Variants in ARHGEF10 observed in about 807,000 individuals in gnomAD.
ARHGEF10 encodes Rho guanine nucleotide exchange factor (GEF) 10.
A neutral mutation model predicts 147.4 loss-of-function variants in ARHGEF10; 140 were observed. The observed-to-expected ratio is 0.95, with a 90% CI of 0.83 to 1.09. ARHGEF10 has a LOEUF of 1.09. ARHGEF10 is among the 50% of genes least tolerant of loss of function. ARHGEF10 has a pLI of 0.00. For synonymous variants in ARHGEF10, 902 were observed against 695.8 expected, an observed-to-expected ratio of 1.30 and a Z score of -4.67; for missense variants, 2,222 against 1,752.7, an observed-to-expected ratio of 1.27 and a Z score of -4.78.
Position 1,843,426 on chromosome 8 carries a change from C to G in ARHGEF10, c.27C>G (p.Pro9=), listed in dbSNP as rs374914801. 1 of 1,612,988 alleles carries G rather than the reference C, an allele frequency of 6.2e-7. No individual in the cohort carries two copies. Among genetic ancestry groups the G allele is most frequent in the Non-Finnish European group, 8.5e-7 (1 of 1,179,774 alleles). Residue 9 remains proline, a synonymous_variant, in exon 2 of 29, where the codon CCC becomes CCG. Coordinates refer to ENST00000349830, the MANE Select transcript of ARHGEF10 (RefSeq NM_014629.4). MDQREPLP[P]APAENEMKYD... ...TGGACCAGCGAGAGCCCCTGCCTCC[C>G]GCTCCTGCAGGTAACAGCACTCAGT... is the stretch of plus-strand genomic sequence containing the variant.
At chr8:1,891,391 T>G (rs73542936) in intron 11 of ARHGEF10, among the ~76,000 whole-genome samples, 8,110 of 152,302 alleles carry the variant, frequency 0.053, 248 homozygotes, top group South Asian at 0.082. Flanking sequence ...TTAAACATTC[T>G]TTGCATGCCT....
At chr8:1,830,026 G>T (rs991870281) in intron 1 of ARHGEF10, among the ~76,000 whole-genome samples, 3 of 152,200 alleles carry the variant, frequency 2.0e-5, no homozygotes, top group Non-Finnish European at 2.9e-5. Flanking sequence ...GCTCCGAAGT[G>T]CTCTCTGCCA....
chr8:1,875,348 T>A (rs1394662908), intron 7 of ARHGEF10, among the ~76,000 whole-genome samples: 1 of 152,010 alleles, frequency 6.6e-6, no homozygotes, highest in African/African-American at 2.4e-5. Flanking sequence ...CCCTAGTACA[T>A]GGTAGAGGCT....
intron 27 of ARHGEF10, chr8:1,945,863 AC>A (rs1814538713): frequency 4.1e-6 from 2 of 484,706 alleles, no homozygotes; most frequent in African/African-American, 3.5e-5. Context: ...GGTGCAGGGC[AC>A]AGGTCCTGAA....
intron 3 of ARHGEF10, 63 bp downstream of exon 3, chr8:1,858,178 G>GAGTCCCCAGGT (rs1267490287): frequency 3.1e-5 from 47 of 1,501,870 alleles, no homozygotes; most frequent in Middle Eastern, 2.2e-4. Flanking sequence ...GTCCCCAGGT[G>GAGTCCCCAGGT]GGTCCCCATG....
At chr8:1,843,650 C>T (rs1232248388) in intron 2 of ARHGEF10, among the ~76,000 whole-genome samples, 1 of 152,222 alleles carries the variant, frequency 6.6e-6, no homozygotes, top group Non-Finnish European at 1.5e-5. Context: ...GCGTTCCTCA[C>T]AGGTGCTGCT....
rs537769634 is a variant in ARHGEF10, at chr8:1,833,425, G to T, written c.-48+9312G>T. ...AGACAGAGACAGAGGCAGAGACAGA[G>T]ACAGAGACAGAGGCAGGGGCAGAGA... On this transcript the variant is annotated intron_variant, in intron 1 of 28. Coordinates refer to ENST00000349830, the MANE Select transcript of ARHGEF10 (RefSeq NM_014629.4). 5.9e-4 allele frequency among the ~76,000 whole-genome samples: 90 copies of T among 151,834 alleles called. 2 individuals are homozygous for T. The East Asian group carries it at 0.016, about 27-fold the overall frequency.
rs117639050 is a variant in ARHGEF10, at chr8:1,929,718, G to C, written c.3079+275G>C. ...GCCTGTTTCTCCCCCTCGGATGGGG[G>C]CACCGGGCCATGCAGAGCCTCCTTC... On this transcript the variant is annotated intron_variant, in intron 25 of 28. Coordinates refer to ENST00000349830, the MANE Select transcript of ARHGEF10 (RefSeq NM_014629.4). 1.6e-3 allele frequency among the ~76,000 whole-genome samples: 239 copies of C among 152,278 alleles called. 5 individuals carry two copies. In the East Asian group the frequency reaches 0.038, roughly 24 times the overall value.
intron 1 of ARHGEF10, among the ~76,000 whole-genome samples, chr8:1,826,326 G>A (rs118078440): frequency 0.014 from 2,187 of 152,302 alleles, 84 homozygotes; most frequent in East Asian, 0.098. Context: ...GTTTGTGTGT[G>A]CATACGTGTG....
chr8:1,874,326 G>C (rs552412543), intron 7 of ARHGEF10, among the ~76,000 whole-genome samples: 6 of 152,188 alleles, frequency 3.9e-5, no homozygotes, highest in African/African-American at 1.4e-4. Flanking sequence ...GCCTGATCCT[G>C]TGGCTGGGTC....
At chr8:1,878,379 G>T (rs975504040) in intron 8 of ARHGEF10, among the ~76,000 whole-genome samples, 4 of 152,074 alleles carry the variant, frequency 2.6e-5, no homozygotes, top group African/African-American at 9.7e-5. Context: ...TAGAGACGGG[G>T]TTTCACCATA....
At chr8:1,852,908 G>A (rs781432552) in intron 2 of ARHGEF10, among the ~76,000 whole-genome samples, 7 of 152,204 alleles carry the variant, frequency 4.6e-5, no homozygotes, top group Admixed American at 2.0e-4. Context: ...CAAGCTGCCG[G>A]TGACCCACAA....
chr8:1,924,415 G>A (rs1026718961), intron 21 of ARHGEF10, among the ~76,000 whole-genome samples: 2 of 152,222 alleles, frequency 1.3e-5, no homozygotes, highest in Non-Finnish European at 2.9e-5. Context: ...CTGTGTGTGT[G>A]TGTAATGTAC....
Position 1,833,062 on chromosome 8 carries a change from A to G in ARHGEF10, c.-48+8949A>G, listed in dbSNP as rs865858764. The stretch of plus-strand genomic sequence containing the variant: ...GAGACAGAGACAGAGGCAGAGAGAG[A>G]CAGAGACAGAGGCAGAGAGACAGAG... On this transcript the variant is annotated intron_variant, in intron 1 of 28. Coordinates refer to ENST00000349830, the MANE Select transcript of ARHGEF10 (RefSeq NM_014629.4). Among the ~76,000 whole-genome samples the G allele has an allele frequency of 2.5e-4, 4 of 16,120 alleles. 1 individual carries two copies. Among genetic ancestry groups the G allele is most frequent in the Non-Finnish European group, 4.7e-4 (3 of 6,352 alleles). 10.6% of individuals were successfully genotyped at this position (16,120 alleles called of 152,430 possible).
At chr8:1,848,045 G>T (rs1473045569) in intron 2 of ARHGEF10, among the ~76,000 whole-genome samples, 2 of 152,316 alleles carry the variant, frequency 1.3e-5, no homozygotes, top group Admixed American at 1.3e-4. Flanking sequence ...CAGGGCTGGC[G>T]GCCAGTTCTC....
intron 1 of ARHGEF10, among the ~76,000 whole-genome samples, chr8:1,833,356 A>G (rs1303598274): frequency 4.9e-4 from 23 of 47,292 alleles, no homozygotes; most frequent in African/African-American, 8.7e-4. Context: ...AGAGGCAGAG[A>G]GAGACAGAGG....
intron 10 of ARHGEF10, among the ~76,000 whole-genome samples, chr8:1,884,353 G>T (rs907916643): frequency 6.6e-6 from 1 of 150,480 alleles, no homozygotes; most frequent in Non-Finnish European, 1.5e-5. Context: ...CCGAGATTGC[G>T]CCACTGCACT....
At chr8:1,851,685 G>A (rs1016646299) in intron 2 of ARHGEF10, among the ~76,000 whole-genome samples, 3 of 152,174 alleles carry the variant, frequency 2.0e-5, no homozygotes, top group Middle Eastern at 3.2e-3. Context: ...GGCCGAGGCA[G>A]GAGGATCACT....
At chr8:1,847,997 C>T (rs975587868) in intron 2 of ARHGEF10, among the ~76,000 whole-genome samples, 11 of 152,312 alleles carry the variant, frequency 7.2e-5, no homozygotes, top group African/African-American at 1.9e-4. Context: ...TGTCTGCTCA[C>T]GAGGGAAGGT....
Sources: gnomAD v4.1 joint callset for allele counts (sites outside exome capture counted in the v4.1 genomes callset) on GRCh38, gnomAD v4.1.1 for gene constraint, MANE v1.5 for transcripts, NCBI Gene and HGNC (gene_info 2026-07-23, HGNC 2026-07-21) for gene names.